Variants in MYO3A observed in about 807,000 individuals in gnomAD.
MYO3A encodes myosin-IIIa.
MYO3A carries 180 observed loss-of-function variants against 192.7 expected under a neutral mutation model. The observed-to-expected ratio is 0.93, with a 90% confidence interval of 0.83 to 1.06. The LOEUF is 1.06. Among genes scored for constraint, MYO3A ranks in the 50% least tolerant of loss-of-function variants. The probability of loss-of-function intolerance (pLI) is 0.00; values close to 1 mark genes in which losing one functional copy is unlikely to be tolerated. For synonymous variants in MYO3A, 628 were observed against 645.3 expected, an observed-to-expected ratio of 0.97 and a Z score of 0.41; for missense variants, 1,896 against 1,905.0, an observed-to-expected ratio of 1.00 and a Z score of 0.09.
At chr10:26,124,176 G>A (rs1173250971) in intron 18 of MYO3A, among the ~76,000 whole-genome samples, 6 of 120,214 alleles carry the variant, frequency 5.0e-5, no homozygotes, top group Admixed American at 2.0e-4. Context: ...ATGACAGAGC[G>A]AGACTTTGTC....
At chr10:26,103,561 A>G (rs1837609807) in intron 17 of MYO3A, among the ~76,000 whole-genome samples, 1 of 152,106 alleles carries the variant, frequency 6.6e-6, no homozygotes. Flanking sequence ...TTTTATGGGT[A>G]TACTTCATGT....
chr10:25,991,720 C>G (rs1337671482), intron 4 of MYO3A, among the ~76,000 whole-genome samples: 1 of 152,174 alleles, frequency 6.6e-6, no homozygotes, highest in Non-Finnish European at 1.5e-5. Flanking sequence ...CCAGTTTCAG[C>G]TTTCTACATA....
intron 7 of MYO3A, among the ~76,000 whole-genome samples, chr10:26,017,285 C>T (rs1285951399): frequency 1.3e-5 from 2 of 152,044 alleles, no homozygotes; most frequent in Non-Finnish European, 2.9e-5. Flanking sequence ...GTCCATTAAC[C>T]CATATGGCAG....
intron 14 of MYO3A, among the ~76,000 whole-genome samples, chr10:26,076,545 T>C (rs1270226496): frequency 1.3e-5 from 2 of 152,180 alleles, no homozygotes; most frequent in African/African-American, 2.4e-5. Flanking sequence ...TTGCATTTTC[T>C]TTTGGGTTCT....
At chr10:26,067,124 T>C in intron 11 of MYO3A, 50 bp downstream of exon 11, 2 of 1,261,880 alleles carry the variant, frequency 1.6e-6, no homozygotes, top group Non-Finnish European at 2.3e-6. Flanking sequence ...GTTTTGTTAA[T>C]TTATAGAAGA....
intron 5 of MYO3A, among the ~76,000 whole-genome samples, chr10:25,996,935 A>G (rs1323767799): frequency 1.3e-5 from 2 of 152,196 alleles, no homozygotes; most frequent in Non-Finnish European, 2.9e-5. Flanking sequence ...TTGTAATACG[A>G]TATTTGCTAA....
At chr10:26,204,723 C>G (rs138715114) in intron 34 of MYO3A, among the ~76,000 whole-genome samples, 489 of 152,276 alleles carry the variant, frequency 3.2e-3, no homozygotes, top group Middle Eastern at 0.017. Flanking sequence ...TATTTCCATC[C>G]TATGCAAAAG....
intron 4 of MYO3A, among the ~76,000 whole-genome samples, chr10:25,988,962 C>CT (rs903629730): frequency 3.0e-4 from 22 of 72,822 alleles, no homozygotes; most frequent in Admixed American, 5.6e-4. Context: ...TTTTTTTTTA[C>CT]TTTTTTTTTA....
At chr10:25,997,647 G>A (rs2130907824) in intron 6 of MYO3A, among the ~76,000 whole-genome samples, 1 of 152,218 alleles carries the variant, frequency 6.6e-6, no homozygotes, top group South Asian at 2.1e-4. Context: ...TTATCATCTG[G>A]GAGTATTTCC....
intron 1 of MYO3A, among the ~76,000 whole-genome samples, chr10:25,934,767 G>A (rs1430346449): frequency 6.6e-6 from 1 of 151,568 alleles, no homozygotes; most frequent in Non-Finnish European, 1.5e-5. Flanking sequence ...GGGATAGTGA[G>A]GGGGGATCTC....
rs774660855 is a variant in MYO3A at position 26,203,091 on chromosome 10, A to T, written c.4714A>T (p.Ile1572Phe). The T allele has an allele frequency of 6.2e-7, 1 of 1,613,614 alleles. No homozygotes were observed. The highest frequency in any genetic ancestry group is 1.7e-5 in the Admixed American group (1 of 60,002). ...RPQQELQNQC[I>F]KANERCWAAE... ...ACAGCAAGAACTCCAGAATCAATGT[A>T]TTAAGGCTAATGAAAGGTAAAAAGC... The change falls in exon 34 of 35, where the codon ATT becomes TTT. Residue 1572 changes from isoleucine (I) to phenylalanine (F), a missense_variant. Physicochemically the swap from Ile to Phe is conservative, Grantham distance 21 (BLOSUM62 0). Coordinates refer to ENST00000642920, the MANE Select transcript of MYO3A (RefSeq NM_017433.5).
rs573506678 is a variant in MYO3A at position 26,153,140 on chromosome 10, C to T, written c.2636-710C>T. Among the ~76,000 whole-genome samples, 7 of 152,304 alleles carry T rather than the reference C, an allele frequency of 4.6e-5. No homozygotes were observed. In the East Asian group the frequency reaches 1.3e-3, roughly 29 times the overall value. ...GTGGGGTGAGAGCTGTGAAAGTGAA[C>T]TGCATTTCAGGGGCCTTCCATGTGC... On this transcript the variant is annotated intron_variant, in intron 23 of 34. Transcript: ENST00000642920.
At chr10:26,024,343 G>A (rs770574692) in intron 9 of MYO3A, among the ~76,000 whole-genome samples, 16 of 152,034 alleles carry the variant, frequency 1.1e-4, no homozygotes, top group East Asian at 1.9e-4. Context: ...TCTTCTGTTC[G>A]CCTGTGTTTT....
At chr10:26,091,576 C>T (rs2131529965) in intron 15 of MYO3A, among the ~76,000 whole-genome samples, 1 of 152,258 alleles carries the variant, frequency 6.6e-6, no homozygotes, top group African/African-American at 2.4e-5. Context: ...CTATAGGAGA[C>T]ATAAATAAGT....
intron 2 of MYO3A, among the ~76,000 whole-genome samples, chr10:25,941,977 C>A (rs1836523633): frequency 2.0e-5 from 3 of 149,516 alleles, no homozygotes; most frequent in South Asian, 4.3e-4. Context: ...TATTTCTTTT[C>A]TTTTCTTTTC....
chr10:25,978,163 G>A (rs1839075535), intron 4 of MYO3A, among the ~76,000 whole-genome samples: 1 of 152,044 alleles, frequency 6.6e-6, no homozygotes, highest in Non-Finnish European at 1.5e-5. Flanking sequence ...GTTAAACTTA[G>A]AGAATGATTT....
In MYO3A at chr10:26,021,623, A is replaced by T; in HGVS notation, c.706A>T (p.Met236Leu). The T allele has an allele frequency of 3.1e-6, 5 of 1,614,146 alleles. No homozygotes were observed. The highest frequency in any genetic ancestry group is 4.2e-6 in the Non-Finnish European group (5 of 1,179,986). The change falls in exon 8 of 35, where the codon ATG (methionine) becomes TTG (leucine). Residue 236 changes from methionine (M) to leucine (L), a missense_variant. Coordinates refer to ENST00000642920, the MANE Select transcript of MYO3A (RefSeq NM_017433.5). ...TCCTCCACTAGCTGACCTTCATCCC[A>T]TGAGAGCACTCTTCAAAATACCAAG... ...GDPPLADLHPMRALFKIPRNP... is the reference protein window; with the variant it reads ...GDPPLADLHPLRALFKIPRNP...
At chr10:25,998,705 G>C (rs1483121029) in intron 6 of MYO3A, among the ~76,000 whole-genome samples, 1 of 152,004 alleles carries the variant, frequency 6.6e-6, no homozygotes, top group African/African-American at 2.4e-5. Context: ...CTAAAAAATA[G>C]ATACAGTAAG....
intron 10 of MYO3A, among the ~76,000 whole-genome samples, chr10:26,050,343 T>C (rs966672621): frequency 6.6e-6 from 1 of 152,198 alleles, no homozygotes; most frequent in Non-Finnish European, 1.5e-5. Flanking sequence ...TGCCATTTAA[T>C]GATTCTTGGA....
Sources: allele counts gnomAD v4.1 joint callset (sites outside exome capture counted in the v4.1 genomes callset), GRCh38; gene constraint gnomAD v4.1.1; transcripts MANE v1.5; gene names NCBI Gene and HGNC (gene_info 2026-07-23, HGNC 2026-07-21).